PAPSS1: variants seen among roughly 807,000 people sequenced by gnomAD.
The protein encoded by PAPSS1 is bifunctional 3'-phosphoadenosine 5'-phosphosulfate synthase 1.
A neutral mutation model predicts 72.0 loss-of-function variants in PAPSS1; 50 were observed. The ratio of observed to expected loss-of-function variants is 0.69; its 90% CI spans 0.55 to 0.88. PAPSS1 has a LOEUF of 0.88. PAPSS1 is among the 40% of genes least tolerant of loss of function. The pLI is 0.00. For missense variants in PAPSS1, 657 were observed against 782.2 expected (o/e 0.84, Z 1.91); for synonymous variants, 261 against 263.6 (o/e 0.99, Z 0.09).
intron 10 of PAPSS1, among the ~76,000 whole-genome samples, chr4:107,639,468 T>C (rs1310409693): frequency 6.6e-6 from 1 of 152,160 alleles, no homozygotes; most frequent in Non-Finnish European, 1.5e-5. Flanking sequence ...CCGATCCTAT[T>C]TGTGAGAAAA....
At chr4:107,624,242 T>C (rs1726038247) in intron 11 of PAPSS1, among the ~76,000 whole-genome samples, 1 of 152,222 alleles carries the variant, frequency 6.6e-6, no homozygotes, top group African/African-American at 2.4e-5. Flanking sequence ...CTTTTGGAGC[T>C]TAGTGCAAAC....
At chr4:107,708,274 A>G (rs1723391485) in intron 1 of PAPSS1, among the ~76,000 whole-genome samples, 2 of 152,310 alleles carry the variant, frequency 1.3e-5, no homozygotes, top group South Asian at 4.1e-4. Flanking sequence ...CTTAAAAAAG[A>G]GGGCTTCAGA....
intron 2 of PAPSS1, among the ~76,000 whole-genome samples, chr4:107,699,362 T>C (rs1173050216): frequency 1.3e-5 from 2 of 151,782 alleles, no homozygotes; most frequent in Non-Finnish European, 2.9e-5. Flanking sequence ...TCAAGATTTA[T>C]AAAAATACAG....
intron 2 of PAPSS1, among the ~76,000 whole-genome samples, chr4:107,694,502 A>G (rs562014265): frequency 6.8e-6 from 1 of 147,530 alleles, no homozygotes; most frequent in Admixed American, 6.9e-5. Context: ...AGGCTTAACT[A>G]ATTTTATTAG....
At chr4:107,708,594 T>G (rs1178173912) in intron 1 of PAPSS1, among the ~76,000 whole-genome samples, 1 of 152,250 alleles carries the variant, frequency 6.6e-6, no homozygotes, top group Non-Finnish European at 1.5e-5. Context: ...AAAAATTATC[T>G]GTCAAGCTAT....
chr4:107,635,864 T>G (rs1202526107), intron 10 of PAPSS1, among the ~76,000 whole-genome samples: 3 of 152,216 alleles, frequency 2.0e-5, no homozygotes, highest in Non-Finnish European at 4.4e-5. Context: ...AGTTGCATTT[T>G]CTGGAAGCTG....
At chr4:107,695,120 A>G (rs1361411726) in intron 2 of PAPSS1, among the ~76,000 whole-genome samples, 3 of 152,218 alleles carry the variant, frequency 2.0e-5, no homozygotes, top group South Asian at 4.1e-4. Flanking sequence ...CTTCCTATCC[A>G]TGAGGCTGGA....
Position 107,701,275 on chromosome 4 carries a change from C to T in PAPSS1, c.71G>A (p.Arg24Lys), listed in dbSNP as rs764804066. 3.7e-6 allele frequency: 6 copies of T among 1,608,284 alleles called. No homozygotes were observed. The Admixed American group carries it at 1.0e-4, about 27-fold the overall frequency. Residue 24 changes from arginine to lysine, a missense_variant, in exon 2 of 12, where the codon AGA (arginine) becomes AAA (lysine). Transcript: ENST00000265174. ...SNNAQNWGMQ[R>K]ATNVTYQAHH... Reference sequence around the variant, plus strand: ...GGCTTGGTAGGTGACATTGGTTGCTCTCTGCATTCCCTAGAAAAAAAAGAA... The same window carrying T: ...GGCTTGGTAGGTGACATTGGTTGCTTTCTGCATTCCCTAGAAAAAAAAGAA...
intron 1 of PAPSS1, among the ~76,000 whole-genome samples, chr4:107,712,772 T>C (rs1264354446): frequency 1.3e-5 from 2 of 151,606 alleles, no homozygotes; most frequent in Admixed American, 6.6e-5. Context: ...ACTCGCAAGG[T>C]TGAGGCAGGA....
At chr4:107,653,676 A>G in intron 8 of PAPSS1, 50 bp from the exon 9 acceptor site, 1 of 1,533,972 alleles carries the variant, frequency 6.5e-7, no homozygotes, top group Non-Finnish European at 9.0e-7. Flanking sequence ...CAAAATAAGT[A>G]AAAACATTTC....
intron 5 of PAPSS1, among the ~76,000 whole-genome samples, chr4:107,676,816 A>G (rs1345493121): frequency 5.3e-5 from 8 of 152,086 alleles, no homozygotes; most frequent in Non-Finnish European, 1.0e-4. Flanking sequence ...AAAACAGCAT[A>G]GTACTGGTAC....
intron 6 of PAPSS1, among the ~76,000 whole-genome samples, chr4:107,657,754 A>AAAAGAAGTCATTGGGAG (rs1727059798): frequency 2.0e-5 from 3 of 152,184 alleles, no homozygotes. Flanking sequence ...CAAAAAAAAA[A>AAAAGAAGTCATTGGGAG]AAAGAAGTCA....
intron 5 of PAPSS1, among the ~76,000 whole-genome samples, chr4:107,669,912 A>G (rs1469432456): frequency 6.6e-6 from 1 of 152,228 alleles, no homozygotes; most frequent in Non-Finnish European, 1.5e-5. Flanking sequence ...AGCCAGAGGT[A>G]TAAGAAAATT....
chr4:107,702,504 A>AC (rs1165526046), intron 1 of PAPSS1, among the ~76,000 whole-genome samples: 1 of 151,772 alleles, frequency 6.6e-6, no homozygotes, highest in African/African-American at 2.4e-5. Flanking sequence ...ATCCTCCTCG[A>AC]CCCCCACTCG....
intron 2 of PAPSS1, among the ~76,000 whole-genome samples, chr4:107,698,318 T>C (rs904949410): frequency 1.3e-5 from 2 of 152,162 alleles, no homozygotes; most frequent in African/African-American, 2.4e-5. Context: ...AAAACATATA[T>C]ATGAAGGCTA....
intron 11 of PAPSS1, among the ~76,000 whole-genome samples, chr4:107,628,466 T>C (rs1459530161): frequency 6.6e-6 from 1 of 152,200 alleles, no homozygotes. Context: ...GGCTACATTA[T>C]TCCTAAATGG....
intron 1 of PAPSS1, among the ~76,000 whole-genome samples, chr4:107,702,187 C>G (rs1217746526): frequency 6.6e-6 from 1 of 152,064 alleles, no homozygotes; most frequent in Non-Finnish European, 1.5e-5. Flanking sequence ...ATAACAAGTA[C>G]TGGGGAGGAT....
intron 8 of PAPSS1, 57 bp from the exon 9 acceptor site, chr4:107,653,683 T>C (rs1726920010): frequency 1.4e-6 from 2 of 1,477,384 alleles, no homozygotes; most frequent in Non-Finnish European, 1.9e-6. Flanking sequence ...AGTAAAAACA[T>C]TTCTCTCATA....
chr4:107,709,344 C>G (rs1723427758), intron 1 of PAPSS1, among the ~76,000 whole-genome samples: 1 of 152,212 alleles, frequency 6.6e-6, no homozygotes, highest in Non-Finnish European at 1.5e-5. Context: ...AACCAACCTC[C>G]ATCTTGCCTT....
Sources: gnomAD v4.1 joint callset for allele counts (sites outside exome capture counted in the v4.1 genomes callset) on GRCh38, gnomAD v4.1.1 for gene constraint, MANE v1.5 for transcripts, NCBI Gene and HGNC (gene_info 2026-07-23, HGNC 2026-07-21) for gene names.